MCTP1: variants seen among roughly 807,000 people sequenced by gnomAD.
The protein encoded by MCTP1 is multiple C2 and transmembrane domain containing 1.
In MCTP1, 69 loss-of-function variants were observed where a neutral mutation model predicts 120.6. The observed-to-expected ratio is 0.57, with a 90% CI of 0.47 to 0.70. The LOEUF is 0.70. Among genes scored for constraint, MCTP1 ranks in the 30% least tolerant of loss-of-function variants. The probability of loss-of-function intolerance (pLI) is 0.00; values close to 1 mark genes in which losing one functional copy is unlikely to be tolerated. For synonymous variants in MCTP1, 529 were observed against 493.1 expected (o/e 1.07, Z -0.96); for missense variants, 1,203 against 1,248.8 (o/e 0.96, Z 0.55).
intron 1 of MCTP1, among the ~76,000 whole-genome samples, chr5:95,263,730 C>T (rs1758660443): frequency 6.6e-6 from 1 of 152,134 alleles, no homozygotes; most frequent in African/African-American, 2.4e-5. Flanking sequence ...TGCCATGTGC[C>T]AGGAACTTTC....
At chr5:95,025,542 G>A (rs918642016) in intron 1 of MCTP1, among the ~76,000 whole-genome samples, 3 of 152,160 alleles carry the variant, frequency 2.0e-5, no homozygotes, top group Non-Finnish European at 4.4e-5. Flanking sequence ...GCCTTATCAG[G>A]TCACTTACAG....
At chr5:94,999,424 A>G (rs1171356734) in intron 2 of MCTP1, among the ~76,000 whole-genome samples, 2 of 152,224 alleles carry the variant, frequency 1.3e-5, no homozygotes, top group East Asian at 3.8e-4. Flanking sequence ...AAATTCTTCT[A>G]TAATCAAATC....
At chr5:94,743,677 G>A (rs193007179) in intron 19 of MCTP1, among the ~76,000 whole-genome samples, 1,343 of 121,668 alleles carry the variant, frequency 0.011, 22 homozygotes, top group African/African-American at 0.041. Context: ...TCCCTCTGTC[G>A]CCCAGGCTCG....
At chr5:94,919,257 T>C (rs1413382862) in intron 7 of MCTP1, among the ~76,000 whole-genome samples, 1 of 152,208 alleles carries the variant, frequency 6.6e-6, no homozygotes, top group East Asian at 1.9e-4. Flanking sequence ...ATCTAGCATA[T>C]AAATTGGAAG....
intron 19 of MCTP1, among the ~76,000 whole-genome samples, chr5:94,756,336 A>G (rs1769859383): frequency 1.3e-5 from 2 of 152,174 alleles, no homozygotes; most frequent in Non-Finnish European, 2.9e-5. Context: ...CAGCAATTGT[A>G]AGATGTGTTA....
At chr5:95,155,192 A>G (rs543516239) in intron 1 of MCTP1, among the ~76,000 whole-genome samples, 1 of 152,290 alleles carries the variant, frequency 6.6e-6, no homozygotes, top group African/African-American at 2.4e-5. Flanking sequence ...TAGGCAAATA[A>G]GGGAGAATTG....
rs191893046 is a variant in MCTP1 at position 95,278,675 on chromosome 5, T to C, written c.720+5181A>G. ...AAGAACTTTCTGTTTCAAAAAATTA[T>C]TTTCAAGCCAGGCATGGTGGCTCAT... is the stretch of plus-strand genomic sequence containing the variant. On this transcript the variant is annotated intron_variant, in intron 1 of 22. Coordinates refer to ENST00000515393, the MANE Select transcript of MCTP1 (RefSeq NM_024717.7). 5.7e-3 allele frequency among the ~76,000 whole-genome samples: 864 copies of C among 152,206 alleles called. 8 individuals carry two copies. Among genetic ancestry groups the C allele is most frequent in the South Asian group, 0.029 (138 of 4,822 alleles).
chr5:94,926,947 C>T (rs1813285962), intron 6 of MCTP1, among the ~76,000 whole-genome samples: 1 of 152,176 alleles, frequency 6.6e-6, no homozygotes, highest in African/African-American at 2.4e-5. Flanking sequence ...TCACTTTGTA[C>T]CAACTCATCC....
At chr5:95,240,996 A>G (rs906746605) in intron 1 of MCTP1, among the ~76,000 whole-genome samples, 2 of 152,132 alleles carry the variant, frequency 1.3e-5, no homozygotes, top group African/African-American at 4.8e-5. Flanking sequence ...ATTTTATACT[A>G]TAAAATTATT....
In MCTP1 at chr5:95,284,481, A is replaced by AC; in HGVS notation, c.94dup (p.Val32GlyfsTer151). The AC allele has an allele frequency of 8.0e-7, 1 of 1,250,224 alleles. No individual in the cohort carries two copies. Among genetic ancestry groups the AC allele is most frequent in the Non-Finnish European group, 1.1e-6 (1 of 912,574 alleles). 77.4% of individuals were successfully genotyped at this position (1,250,224 alleles called of 1,614,324 possible). On this transcript the variant is annotated frameshift_variant, in exon 1 of 23. Transcript: ENST00000515393. LOFTEE classifies it high-confidence loss of function. This position sits in a 1 kb window ranked among gnomAD's most constrained non-coding sequence, Gnocchi z 5.2. Reference sequence around the variant, plus strand: ...GCCCCCGCCGCCCTTGCTCCTGCCCACCCCCAGCTGCAGGTTCTTCCAGAG... The same window carrying AC: ...GCCCCCGCCGCCCTTGCTCCTGCCCACCCCCCAGCTGCAGGTTCTTCCAGAG...
intron 17 of MCTP1, among the ~76,000 whole-genome samples, chr5:94,803,555 A>G (rs1233830233): frequency 6.6e-6 from 1 of 152,222 alleles, no homozygotes; most frequent in African/African-American, 2.4e-5. Context: ...GAAGCAATTA[A>G]GCCGATGCTT....
intron 1 of MCTP1, among the ~76,000 whole-genome samples, chr5:95,141,551 C>G (rs1437044208): frequency 6.6e-6 from 1 of 152,154 alleles, no homozygotes; most frequent in Non-Finnish European, 1.5e-5. Flanking sequence ...TAGATAGTTT[C>G]ATTGTGTTTT....
chr5:95,106,066 G>A (rs917976122), intron 1 of MCTP1, among the ~76,000 whole-genome samples: 3 of 152,202 alleles, frequency 2.0e-5, no homozygotes, highest in African/African-American at 7.2e-5. Context: ...GCCAGCAGCT[G>A]CCATTCCTTA....
intron 19 of MCTP1, among the ~76,000 whole-genome samples, chr5:94,774,829 C>T (rs1580617655): frequency 6.6e-6 from 1 of 152,316 alleles, no homozygotes. Flanking sequence ...TTGCCTTTCT[C>T]CAAAGCCTTA....
intron 17 of MCTP1, among the ~76,000 whole-genome samples, chr5:94,865,556 C>G (rs1349936180): frequency 6.6e-6 from 1 of 151,764 alleles, no homozygotes; most frequent in African/African-American, 2.4e-5. Context: ...TGGGATACTG[C>G]TCACACCCTT....
intron 2 of MCTP1, among the ~76,000 whole-genome samples, chr5:94,968,235 G>A (rs1318868741): frequency 6.6e-6 from 1 of 152,160 alleles, no homozygotes; most frequent in African/African-American, 2.4e-5. Context: ...ATATGGTCAA[G>A]TATATTTGGA....
At chr5:95,275,786 G>T (rs1220912582) in intron 1 of MCTP1, among the ~76,000 whole-genome samples, 1 of 152,022 alleles carries the variant, frequency 6.6e-6, no homozygotes, top group Non-Finnish European at 1.5e-5. Flanking sequence ...GGTAGCAGTT[G>T]CCACATGGAA....
chr5:95,149,117 A>G (rs753032984), intron 1 of MCTP1, among the ~76,000 whole-genome samples: 1 of 152,086 alleles, frequency 6.6e-6, no homozygotes, highest in Non-Finnish European at 1.5e-5. Context: ...CACCAAGTCC[A>G]CTTCTGTGTC....
At chr5:94,962,051 G>C (rs185603772) in intron 2 of MCTP1, among the ~76,000 whole-genome samples, 1 of 151,958 alleles carries the variant, frequency 6.6e-6, no homozygotes, top group Non-Finnish European at 1.5e-5. Flanking sequence ...AATGGTCAAC[G>C]TCACTAATAA....
Sources: gnomAD v4.1 joint callset for allele counts (sites outside exome capture counted in the v4.1 genomes callset) on GRCh38, gnomAD v4.1.1 for gene constraint, Gnocchi (gnomAD v3.1) non-coding constraint, MANE v1.5 for transcripts, NCBI Gene and HGNC (gene_info 2026-07-23, HGNC 2026-07-21) for gene names.